STPG2: variants seen among roughly 807,000 people sequenced by gnomAD.
STPG2 encodes sperm-tail PG-rich repeat-containing protein 2.
A neutral mutation model predicts 54.2 loss-of-function variants in STPG2; 56 were observed. The ratio of observed to expected loss-of-function variants is 1.03; its 90% CI spans 0.83 to 1.29. The LOEUF is 1.29. Ranked by LOEUF, STPG2 falls within the 50% of genes most tolerant of loss-of-function variation. The probability of loss-of-function intolerance (pLI) is 0.00; values close to 1 mark genes in which losing one functional copy is unlikely to be tolerated. For missense variants in STPG2, 596 were observed against 544.9 expected (o/e 1.09, Z -0.93); for synonymous variants, 200 against 181.8 (o/e 1.10, Z -0.81).
chr4:97,922,018 A>C (rs1392298247), intron 8 of STPG2, among the ~76,000 whole-genome samples: 3 of 152,178 alleles, frequency 2.0e-5, no homozygotes, highest in African/African-American at 7.2e-5. Context: ...CAGGAGCTGG[A>C]GGGCAGGTGA....
At chr4:98,022,478 A>T (rs1398116407) in intron 5 of STPG2, among the ~76,000 whole-genome samples, 1 of 151,974 alleles carries the variant, frequency 6.6e-6, no homozygotes, top group African/African-American at 2.4e-5. Flanking sequence ...ACTTTGGTGA[A>T]TCTGACAATT....
At chr4:97,857,637 A>AT (rs1015953043) in intron 8 of STPG2, among the ~76,000 whole-genome samples, 15 of 151,996 alleles carry the variant, frequency 9.9e-5, no homozygotes, top group South Asian at 2.1e-4. Context: ...AGAGTTATTC[A>AT]TGTCTCTATC....
At chr4:97,547,110 C>T (rs996954300) in intron 4 of STPG2, among the ~76,000 whole-genome samples, 1 of 151,458 alleles carries the variant, frequency 6.6e-6, no homozygotes, top group Admixed American at 6.6e-5. Flanking sequence ...TCAATACGTA[C>T]GAACTAAAAA....
chr4:98,021,522 G>A (rs955337526), intron 5 of STPG2, among the ~76,000 whole-genome samples: 3 of 152,108 alleles, frequency 2.0e-5, no homozygotes, highest in African/African-American at 7.2e-5. Context: ...TTCTGTAGAT[G>A]TCTATTAGGT....
chr4:97,493,941 G>A (rs1243880339), intron 4 of STPG2, among the ~76,000 whole-genome samples: 1 of 151,516 alleles, frequency 6.6e-6, no homozygotes, highest in African/African-American at 2.4e-5. Flanking sequence ...CCTTTGATAA[G>A]TTGTTAAACA....
intron 5 of STPG2, among the ~76,000 whole-genome samples, chr4:98,068,739 A>C (rs1253356870): frequency 6.6e-6 from 1 of 152,054 alleles, no homozygotes; most frequent in African/African-American, 2.4e-5. Context: ...TCATTGTGCA[A>C]ACATCATAGA....
chr4:97,756,984 T>C (rs1389482055), intron 9 of STPG2, among the ~76,000 whole-genome samples: 1 of 152,150 alleles, frequency 6.6e-6, no homozygotes, highest in Non-Finnish European at 1.5e-5. Flanking sequence ...AAGCTACAAC[T>C]GTAGATTGTA....
chr4:97,985,589 TA>T (rs1734804116), intron 5 of STPG2, among the ~76,000 whole-genome samples: 1 of 152,200 alleles, frequency 6.6e-6, no homozygotes, highest in Non-Finnish European at 1.5e-5. Flanking sequence ...TTAATTGTGT[TA>T]TTTCTTTTTC....
intron 8 of STPG2, among the ~76,000 whole-genome samples, chr4:97,919,662 T>G (rs932644931): frequency 2.6e-5 from 4 of 152,114 alleles, no homozygotes; most frequent in African/African-American, 7.2e-5. Context: ...ACTGAATATT[T>G]TTTTCAAAAA....
At chr4:97,888,856 T>C (rs1477072853) in intron 8 of STPG2, among the ~76,000 whole-genome samples, 5 of 152,158 alleles carry the variant, frequency 3.3e-5, no homozygotes, top group African/African-American at 4.8e-5. Context: ...ACTGGATCAT[T>C]GGGACACATT....
At chr4:98,105,331 C>T (rs1739159266) in intron 5 of STPG2, among the ~76,000 whole-genome samples, 1 of 152,086 alleles carries the variant, frequency 6.6e-6, no homozygotes, top group African/African-American at 2.4e-5. Context: ...CTTCTAATGA[C>T]CCCAGGAATG....
intron 9 of STPG2, among the ~76,000 whole-genome samples, chr4:97,792,259 C>T (rs972831415): frequency 1.3e-5 from 2 of 152,112 alleles, no homozygotes; most frequent in African/African-American, 4.8e-5. Flanking sequence ...CAAAAATAAG[C>T]TCCTGATAAT....
chr4:97,452,835 C>A (rs1017158273), intron 4 of STPG2, among the ~76,000 whole-genome samples: 4 of 152,164 alleles, frequency 2.6e-5, no homozygotes, highest in Non-Finnish European at 5.9e-5. Context: ...CTGCTAGGAG[C>A]TGAACACTCA....
At chr4:98,066,298 A>G (rs28516388) in intron 5 of STPG2, among the ~76,000 whole-genome samples, 59,937 of 152,024 alleles carry the variant, frequency 0.39, 12,048 homozygotes, top group Middle Eastern at 0.46. Context: ...ACACTTTAAT[A>G]TTTATTCTAT....
At chr4:97,967,536 C>A (rs1416713074) in intron 7 of STPG2, among the ~76,000 whole-genome samples, 1 of 152,154 alleles carries the variant, frequency 6.6e-6, no homozygotes, top group African/African-American at 2.4e-5. Context: ...ACTCTCCACC[C>A]CAAATCAACA....
intron 10 of STPG2, among the ~76,000 whole-genome samples, chr4:97,620,884 T>A (rs1169694576): frequency 6.6e-6 from 1 of 151,964 alleles, no homozygotes; most frequent in Non-Finnish European, 1.5e-5. Context: ...CAATTGGACA[T>A]AAAACAATCC....
intron 10 of STPG2, among the ~76,000 whole-genome samples, chr4:97,660,008 T>C (rs1024705255): frequency 6.6e-5 from 10 of 151,214 alleles, no homozygotes; most frequent in East Asian, 3.9e-4. Flanking sequence ...TTCTTTCTTT[T>C]TTTTTTTTTT....
rs115699142 is a variant in STPG2 at position 98,106,785 on chromosome 4, C to T, written c.501-721G>A. Among the ~76,000 whole-genome samples the T allele has an allele frequency of 3.9e-3, 598 of 152,238 alleles. 6 individuals are homozygous for T. Among genetic ancestry groups the T allele is most frequent in the Non-Finnish European group, 6.3e-3 (426 of 68,006 alleles). On this transcript the variant is annotated intron_variant, in intron 4 of 10. Transcript: ENST00000295268. ...TATATGTAAGGTGGTTAATGCCATA[C>T]ATGGCTCATAATAAGCACACAGTAA... is the stretch of plus-strand genomic sequence containing the variant.
chr4:97,897,897 C>T (rs182694883), intron 8 of STPG2, among the ~76,000 whole-genome samples: 3 of 151,518 alleles, frequency 2.0e-5, no homozygotes, highest in Non-Finnish European at 4.4e-5. Context: ...CATGCAGAAG[C>T]TCTTAAGTAT....
Sources: allele counts gnomAD v4.1 joint callset (sites outside exome capture counted in the v4.1 genomes callset), GRCh38; gene constraint gnomAD v4.1.1; transcripts MANE v1.5; gene names NCBI Gene and HGNC (gene_info 2026-07-23, HGNC 2026-07-21).